Variants in LRMDA observed in about 807,000 individuals in gnomAD.
LRMDA encodes leucine rich melanocyte differentiation associated.
LRMDA carries 18 observed loss-of-function variants against 29.8 expected under a neutral mutation model. That is an observed-to-expected ratio of 0.60 (90% confidence interval 0.42 to 0.90). The LOEUF (loss-of-function observed/expected upper bound fraction) is 0.90. LRMDA is among the 40% of genes least tolerant of loss of function. The pLI, the probability that LRMDA is intolerant of heterozygous loss-of-function variation, is 0.00. For synonymous variants in LRMDA, 125 were observed against 109.4 expected, an observed-to-expected ratio of 1.14 and a Z score of -0.89; for missense variants, 273 against 273.9, an observed-to-expected ratio of 1.00 and a Z score of 0.02.
At chr10:76,480,746 A>G (rs937950635) in intron 6 of LRMDA, among the ~76,000 whole-genome samples, 3 of 151,974 alleles carry the variant, frequency 2.0e-5, no homozygotes, top group African/African-American at 7.2e-5. Flanking sequence ...TTCCTGTAAT[A>G]TGGGAGTTGT....
At chr10:76,308,004 T>C (rs1564718609) in intron 5 of LRMDA, among the ~76,000 whole-genome samples, 1 of 152,174 alleles carries the variant, frequency 6.6e-6, no homozygotes, top group Non-Finnish European at 1.5e-5. Flanking sequence ...CCTGGAAATG[T>C]AGCAAGTGGT....
chr10:76,100,850 C>A (rs1258551022), intron 5 of LRMDA, among the ~76,000 whole-genome samples: 3 of 152,172 alleles, frequency 2.0e-5, no homozygotes, highest in Non-Finnish European at 4.4e-5. Context: ...GTCCTGCCCC[C>A]ACTCTTTCTC....
rs1865643 is a variant in LRMDA at position 76,286,293 on chromosome 10, A to G, written c.517-38108A>G. Among the ~76,000 whole-genome samples the G allele has an allele frequency of 5.9e-5, 9 of 151,644 alleles. No individual in the cohort carries two copies. In the South Asian group the frequency reaches 1.9e-3, roughly 32 times the overall value. ...GTCACCGATGCATTAAAGGGCTGTA[A>G]GGAGTGGAGAAAGCACATTGGGCTG... On this transcript the variant is annotated intron_variant, in intron 5 of 6. Transcript: ENST00000611255.
intron 2 of LRMDA, among the ~76,000 whole-genome samples, chr10:75,755,287 A>G (rs886334763): frequency 6.6e-6 from 1 of 152,226 alleles, no homozygotes; most frequent in Admixed American, 6.5e-5. Context: ...CTTATGTAGT[A>G]CAAATGGGCT....
chr10:76,066,051 A>G (rs940238509), intron 5 of LRMDA, among the ~76,000 whole-genome samples: 3 of 152,262 alleles, frequency 2.0e-5, no homozygotes, highest in Non-Finnish European at 2.9e-5. Flanking sequence ...GATTTTGAGC[A>G]GTAGTGTGCT....
chr10:75,808,022 T>C (rs957704121), intron 2 of LRMDA, among the ~76,000 whole-genome samples: 4 of 152,228 alleles, frequency 2.6e-5, no homozygotes, highest in South Asian at 2.1e-4. Flanking sequence ...GGATTATTCA[T>C]TTGCTAAAGG....
Position 75,789,693 on chromosome 10 carries a change from C to T in LRMDA, c.132-246315C>T, listed in dbSNP as rs192197948. The stretch of plus-strand genomic sequence containing the variant: ...AAATCAACATAAATGTTCTTTTTCT[C>T]TCCCAACTATATTGAACATTGCACA... On this transcript the variant is annotated intron_variant, in intron 2 of 6. Coordinates refer to ENST00000611255, the MANE Select transcript of LRMDA (RefSeq NM_001305581.2). Among the ~76,000 whole-genome samples, 25 of 152,306 alleles carry T rather than the reference C, an allele frequency of 1.6e-4. 1 individual carries two copies. In the East Asian group the frequency reaches 4.8e-3, roughly 29 times the overall value.
At chr10:75,540,303 G>C (rs529216164) in intron 2 of LRMDA, among the ~76,000 whole-genome samples, 3 of 152,318 alleles carry the variant, frequency 2.0e-5, no homozygotes, top group Non-Finnish European at 4.4e-5. Context: ...CCTGGGGCCA[G>C]AACAAGCTTG....
intron 5 of LRMDA, among the ~76,000 whole-genome samples, chr10:76,141,853 GTCC>G (rs1341343527): frequency 6.6e-6 from 1 of 152,024 alleles, no homozygotes; most frequent in Non-Finnish European, 1.5e-5. Context: ...CAACATAACT[GTCC>G]TCCTAGTTAT....
At chr10:75,616,295 AGTG>A (rs1345837082) in intron 2 of LRMDA, among the ~76,000 whole-genome samples, 1 of 152,116 alleles carries the variant, frequency 6.6e-6, no homozygotes, top group Non-Finnish European at 1.5e-5. Context: ...TAGTAGTAGT[AGTG>A]GTGGTGGTGG....
chr10:76,394,855 A>G (rs1841764538), intron 6 of LRMDA, among the ~76,000 whole-genome samples: 1 of 152,172 alleles, frequency 6.6e-6, no homozygotes, highest in Admixed American at 6.5e-5. Context: ...CCAGGGTTTA[A>G]TCTTCCAAAG....
chr10:75,687,166 A>G (rs1394203591), intron 2 of LRMDA, among the ~76,000 whole-genome samples: 1 of 152,230 alleles, frequency 6.6e-6, no homozygotes, highest in Non-Finnish European at 1.5e-5. Flanking sequence ...AGAAAAAGTC[A>G]CATACCTCTC....
At chr10:75,991,577 A>G (rs749343152) in intron 2 of LRMDA, among the ~76,000 whole-genome samples, 2 of 152,230 alleles carry the variant, frequency 1.3e-5, no homozygotes, top group Non-Finnish European at 2.9e-5. Flanking sequence ...TGAAAGCTAT[A>G]TAGTGGTGGC....
At chr10:76,374,644 A>G (rs1378880714) in intron 6 of LRMDA, among the ~76,000 whole-genome samples, 1 of 152,174 alleles carries the variant, frequency 6.6e-6, no homozygotes, top group Non-Finnish European at 1.5e-5. Context: ...GCGTCATTGC[A>G]TTATTCCCTT....
intron 6 of LRMDA, among the ~76,000 whole-genome samples, chr10:76,420,257 C>G (rs1244690618): frequency 6.6e-6 from 1 of 151,782 alleles, no homozygotes; most frequent in Non-Finnish European, 1.5e-5. Flanking sequence ...CTATTCTATT[C>G]TTTATTATAC....
At chr10:75,431,899 G>C (rs1323949495) in intron 1 of LRMDA, 145 bp downstream of exon 1, 2 of 830,180 alleles carry the variant, frequency 2.4e-6, no homozygotes, top group Admixed American at 9.0e-5. Flanking sequence ...AGGTGCTCAG[G>C]CTCGCCCTAG....
At chr10:76,052,659 A>G (rs772634413) in intron 4 of LRMDA, among the ~76,000 whole-genome samples, 1 of 152,220 alleles carries the variant, frequency 6.6e-6, no homozygotes, top group Non-Finnish European at 1.5e-5. Context: ...GGAACATTCT[A>G]TGTGAGAAGA....
chr10:76,220,702 A>G (rs1307963527), intron 5 of LRMDA, among the ~76,000 whole-genome samples: 4 of 152,138 alleles, frequency 2.6e-5, no homozygotes, highest in South Asian at 2.1e-4. Flanking sequence ...ACAAGGAGGA[A>G]CTGGTACCAT....
chr10:75,929,959 G>T (rs1354458151), intron 2 of LRMDA, among the ~76,000 whole-genome samples: 1 of 152,162 alleles, frequency 6.6e-6, no homozygotes, highest in African/African-American at 2.4e-5. Flanking sequence ...GGTACTATTG[G>T]CAAGTAACTG....
Sources: gnomAD v4.1 joint callset for allele counts (sites outside exome capture counted in the v4.1 genomes callset) on GRCh38, gnomAD v4.1.1 for gene constraint, MANE v1.5 for transcripts, NCBI Gene and HGNC (gene_info 2026-07-23, HGNC 2026-07-21) for gene names.